QSOX2: variants seen among roughly 807,000 people sequenced by gnomAD.
QSOX2 encodes the protein sulfhydryl oxidase 2.
In QSOX2, 46 loss-of-function variants were observed where a neutral mutation model predicts 61.7. The ratio of observed to expected loss-of-function variants is 0.75; its 90% CI spans 0.59 to 0.95. The LOEUF is 0.95. Ranked by LOEUF, QSOX2 falls within the 40% of genes least tolerant of loss-of-function variation. QSOX2 has a pLI of 0.00. For missense variants in QSOX2, 879 were observed against 918.9 expected, an observed-to-expected ratio of 0.96 and a Z score of 0.56; for synonymous variants, 383 against 388.4, an observed-to-expected ratio of 0.99 and a Z score of 0.16.
chr9:136,216,452 T>C, intron 9 of QSOX2, 148 bp downstream of exon 9: 4 of 1,088,850 alleles, frequency 3.7e-6, no homozygotes, highest in East Asian at 2.6e-5. Context: ...GCCATGGCCA[T>C]GATGCTGTCG....
intron 1 of QSOX2, among the ~76,000 whole-genome samples, chr9:136,229,991 A>G (rs908424944): frequency 2.0e-5 from 3 of 151,914 alleles, no homozygotes; most frequent in Non-Finnish European, 4.4e-5. Flanking sequence ...TTTTTAAATA[A>G]CCCTCCTGGC....
intron 1 of QSOX2, among the ~76,000 whole-genome samples, chr9:136,241,942 C>G (rs773960630): frequency 6.6e-6 from 1 of 152,208 alleles, no homozygotes; most frequent in African/African-American, 2.4e-5. Flanking sequence ...CTCTTGTCCA[C>G]TCAAGACTGC....
chr9:136,234,402 A>G (rs1830359318), intron 1 of QSOX2, among the ~76,000 whole-genome samples: 1 of 152,298 alleles, frequency 6.6e-6, no homozygotes, highest in South Asian at 2.1e-4. Context: ...GGTCAACTGC[A>G]CACGTAACGG....
chr9:136,223,630 G>A lies in QSOX2; in HGVS notation c.675+133C>T. The A allele has an allele frequency of 1.5e-6, 1 of 653,320 alleles. No homozygotes were observed. The highest frequency in any genetic ancestry group is 2.9e-5 in the Admixed American group (1 of 34,802). The allele number at this position is 653,320 out of a possible 1,614,324, so 40.5% of individuals were successfully genotyped here. ...TAACATTAACTAAGCTTCTGATAAT[G>A]AACAAGACCTAAAGCCACAGACAGG... On this transcript the variant is annotated intron_variant, in intron 5 of 11. Transcript: ENST00000358701. This position sits in a 1 kb window ranked among gnomAD's most constrained non-coding sequence, Gnocchi z 4.4.
chr9:136,226,816 G>A lies in QSOX2; in HGVS notation c.387C>T (p.Ala129=), dbSNP rs765932156. The change falls in exon 2 of 12, where the codon GCC becomes GCT. Residue 129 remains alanine, a synonymous_variant. Coordinates refer to ENST00000358701, the MANE Select transcript of QSOX2 (RefSeq NM_181701.4). ...AGTGGATGTCGTAGTCATGGCACACGGCCTGGTTCTTCTCTTCCATGCAGT... is the reference window on the plus strand; with the variant it reads ...AGTGGATGTCGTAGTCATGGCACACAGCCTGGTTCTTCTCTTCCATGCAGT... The part of the protein sequence containing the change: ...ALDCMEEKNQ[A]VCHDYDIHFY... 5.6e-6 allele frequency: 9 copies of A among 1,614,052 alleles called. No homozygotes were observed. The highest frequency in any genetic ancestry group is 5.0e-5 in the Admixed American group (3 of 60,002).
rs1302867002 is a variant in QSOX2 at position 136,207,376 on chromosome 9, C to CACACAT, written c.*1351_*1352insATGTGT. The CACACAT allele has an allele frequency of 4.0e-5, 6 of 150,680 alleles. No homozygotes were observed. Among genetic ancestry groups the CACACAT allele is most frequent in the African/African-American group, 1.5e-4 (6 of 40,610 alleles). 9.3% of individuals were successfully genotyped at this position (150,680 alleles called of 1,614,324 possible). On this transcript the variant is annotated 3_prime_UTR_variant, in exon 12 of 12. Coordinates refer to ENST00000358701, the MANE Select transcript of QSOX2 (RefSeq NM_181701.4). ...TCTCTCTCTCTCATACACACACACACACACACACACACACACACACACACA... is the reference window on the plus strand; with the variant it reads ...TCTCTCTCTCTCATACACACACACACACACATACACACACACACACACACACACACA...
rs763977237 is a variant in QSOX2, at chr9:136,211,391, AAAG to A, written c.1419_1421del (p.Phe474del). On this transcript the variant is annotated inframe_deletion, in exon 11 of 12. Coordinates refer to ENST00000358701, the MANE Select transcript of QSOX2 (RefSeq NM_181701.4). ...AGTGCTCACCACATTCCTTACACCC[AAAG>A]AAGGTGTGAACGTACCTCCTCATTG... 2.9e-5 allele frequency: 47 copies of A among 1,614,184 alleles called. 1 individual carries two copies. In the South Asian group the frequency reaches 4.2e-4, roughly 14 times the overall value.
Position 136,226,825 on chromosome 9 carries a change from C to A in QSOX2, c.378G>T (p.Lys126Asn). 6.2e-7 allele frequency: 1 copy of A among 1,614,192 alleles called. No homozygotes were observed. Among genetic ancestry groups the A allele is most frequent in the African/African-American group, 1.3e-5 (1 of 75,048 alleles). The change falls in exon 2 of 12, where the codon AAG (lysine) becomes AAT (asparagine). Residue 126 changes from lysine (K) to asparagine (N), a missense_variant. Lys to Asn is a moderately conservative substitution (Grantham distance 94, BLOSUM62 0). Coordinates refer to ENST00000358701, the MANE Select transcript of QSOX2 (RefSeq NM_181701.4). ...RVAALDCMEE[K>N]NQAVCHDYDI... is the part of the protein sequence containing the mutation. ...CGTAGTCATGGCACACGGCCTGGTT[C>A]TTCTCTTCCATGCAGTCCAGAGCTG...
At chr9:136,241,657 C>T (rs1192273528) in intron 1 of QSOX2, among the ~76,000 whole-genome samples, 3 of 152,238 alleles carry the variant, frequency 2.0e-5, no homozygotes, top group African/African-American at 7.2e-5. Flanking sequence ...GACTATCCCA[C>T]GCAACCTCAC....
intron 11 of QSOX2, chr9:136,210,159 C>CA (rs1221691961): frequency 1.0e-6 from 1 of 985,358 alleles, no homozygotes; most frequent in Non-Finnish European, 1.2e-6. Flanking sequence ...AGACCAGTGG[C>CA]ACCTTGGTCA....
At position 136,216,620 on chromosome 9, in the gene QSOX2, G is replaced by C. The variant is rs1831916832; in HGVS notation, c.1189C>G (p.Leu397Val). 6.2e-7 allele frequency: 1 copy of C among 1,613,860 alleles called. No individual in the cohort carries two copies. Among genetic ancestry groups the C allele is most frequent in the South Asian group, 1.1e-5 (1 of 91,090 alleles). The change falls in exon 9 of 12, where the codon CTG becomes GTG. Residue 397 changes from leucine (L) to valine (V), a missense_variant. Transcript: ENST00000358701. ...CTCACCCGCATCTTGTTGTTGACCA[G>C]GTCAAGCACGGCGTTGTAGGGGATC... ...DRIPYNAVLD[L>V]VNNKMRISGI...
At chr9:136,220,221 A>G (rs936207982) in intron 6 of QSOX2, among the ~76,000 whole-genome samples, 1 of 152,128 alleles carries the variant, frequency 6.6e-6, no homozygotes, top group African/African-American at 2.4e-5. Context: ...CATAGGCTGG[A>G]GTCTCACTAT....
At position 136,222,143 on chromosome 9, in the gene QSOX2, C is replaced by T. The variant is rs1830223659; in HGVS notation, c.676-202G>A. On this transcript the variant is annotated intron_variant, in intron 5 of 11. Transcript: ENST00000358701. The surrounding 1 kb of genome is among the most constrained non-coding windows in gnomAD (Gnocchi z 6.9). ...GCACACACGCCATGAGCAGAAACCACGGTCTTATTCGGCAATTTTACAAAC... is the reference window on the plus strand; with the variant it reads ...GCACACACGCCATGAGCAGAAACCATGGTCTTATTCGGCAATTTTACAAAC... Among the ~76,000 whole-genome samples, 1 of 152,242 alleles carries T rather than the reference C, an allele frequency of 6.6e-6. No individual in the cohort carries two copies. Among genetic ancestry groups the T allele is most frequent in the Admixed American group, 6.5e-5 (1 of 15,290 alleles).
Position 136,245,494 on chromosome 9 carries a change from G to C in QSOX2, c.310C>G (p.Leu104Val), listed in dbSNP as rs1034909104. Residue 104 changes from leucine (L) to valine (V), a missense_variant, in exon 1 of 12, where the codon CTG (leucine) becomes GTG (valine). Coordinates refer to ENST00000358701, the MANE Select transcript of QSOX2 (RefSeq NM_181701.4). The part of the protein sequence containing the change: ...CIGYAPTWRA[L>V]AGDVRDWASA... ...GCCTCACCTCGCACATCCCCAGCCA[G>C]GGCCCGCCAAGTGGGCGCGTAGCCG... 21 of 1,593,020 alleles carry C rather than the reference G, an allele frequency of 1.3e-5. No individual in the cohort carries two copies. Among genetic ancestry groups the C allele is most frequent in the Non-Finnish European group, 1.7e-5 (20 of 1,177,116 alleles).
chr9:136,243,135 A>G (rs7038554), intron 1 of QSOX2, among the ~76,000 whole-genome samples: 65,670 of 152,084 alleles, frequency 0.43, 15,893 homozygotes, highest in African/African-American at 0.67. Context: ...GTACAGCACC[A>G]CATGACAAAT....
At chr9:136,217,324 G>C (rs1367888484) in intron 8 of QSOX2, among the ~76,000 whole-genome samples, 5 of 152,220 alleles carry the variant, frequency 3.3e-5, no homozygotes, top group African/African-American at 4.8e-5. Context: ...ACCACAAACT[G>C]TGCAAAACAT....
intron 1 of QSOX2, among the ~76,000 whole-genome samples, chr9:136,237,760 ATCCTGTGCCAGTGTCACCTGGAGCCCG>A (rs1218331854): frequency 5.5e-5 from 8 of 144,644 alleles, no homozygotes; most frequent in Non-Finnish European, 9.1e-5. Context: ...CCTGGAGCCC[ATCCTGTGCCAGTGTCACCTGGAGCCCG>A]TCCTGTGCCA....
chr9:136,219,305 C>T (rs755718731), intron 6 of QSOX2, 141 bp from the exon 7 acceptor site: 147 of 1,031,838 alleles, frequency 1.4e-4, no homozygotes, highest in Admixed American at 4.7e-4. Flanking sequence ...GTGGGAACAG[C>T]TGACACCCCG....
At chr9:136,212,407 T>A (rs1435729264) in intron 10 of QSOX2, among the ~76,000 whole-genome samples, 1 of 152,250 alleles carries the variant, frequency 6.6e-6, no homozygotes, top group African/African-American at 2.4e-5. Context: ...GCTTCCCGCG[T>A]GAGTGCAGGC....
Sources: gnomAD v4.1 joint callset for allele counts (sites outside exome capture counted in the v4.1 genomes callset) on GRCh38, gnomAD v4.1.1 for gene constraint, Gnocchi (gnomAD v3.1) non-coding constraint, MANE v1.5 for transcripts, NCBI Gene and HGNC (gene_info 2026-07-23, HGNC 2026-07-21) for gene names.